Variants in LIPC observed in about 807,000 individuals in gnomAD.
LIPC encodes hepatic triacylglycerol lipase.
LIPC carries 44 observed loss-of-function variants against 50.7 expected under a neutral mutation model. That is an observed-to-expected ratio of 0.87 (90% CI 0.68 to 1.11). LIPC has a LOEUF of 1.11. LIPC is among the 50% of genes most tolerant of loss of function. The pLI, the probability that LIPC is intolerant of heterozygous loss-of-function variation, is 0.00. For missense variants in LIPC, 697 were observed against 648.2 expected (o/e 1.08, Z -0.82); for synonymous variants, 271 against 256.4 (o/e 1.06, Z -0.54).
At chr15:58,531,947 C>T (rs1404474900) in intron 1 of LIPC, among the ~76,000 whole-genome samples, 7 of 152,142 alleles carry the variant, frequency 4.6e-5, no homozygotes, top group African/African-American at 1.7e-4. Context: ...TACAAAGCAC[C>T]TCATTCACTC....
At chr15:58,477,948 C>A (rs927987651) in intron 1 of LIPC, among the ~76,000 whole-genome samples, 1 of 152,126 alleles carries the variant, frequency 6.6e-6, no homozygotes, top group Middle Eastern at 3.4e-3. Flanking sequence ...TCTTCCCAGT[C>A]TCATCTCACC....
At chr15:58,471,700 C>T (rs1173185730) in intron 1 of LIPC, among the ~76,000 whole-genome samples, 2 of 152,182 alleles carry the variant, frequency 1.3e-5, no homozygotes, top group East Asian at 1.9e-4. Flanking sequence ...AACTCTGAAT[C>T]AACCAAATGA....
chr15:58,490,679 G>T (rs1566927092), intron 1 of LIPC, among the ~76,000 whole-genome samples: 1 of 152,206 alleles, frequency 6.6e-6, no homozygotes, highest in East Asian at 1.9e-4. Flanking sequence ...GAAATATGGA[G>T]AAATGTTTTC....
chr15:58,458,364 C>G (rs553256460), intron 1 of LIPC, among the ~76,000 whole-genome samples: 2 of 152,298 alleles, frequency 1.3e-5, no homozygotes, highest in East Asian at 3.9e-4. Flanking sequence ...TCCCCCACCA[C>G]GTCCTTCTAC....
Position 58,469,102 on chromosome 15 carries a change from T to TTGTGTGTGTGTG in LIPC, c.88+37012_88+37023dup, listed in dbSNP as rs56309142. On this transcript the variant is annotated intron_variant, in intron 1 of 8. Transcript: ENST00000299022. Reference sequence around the variant, plus strand: ...AACTTAAACGGCTTCAGGGAACATTTTGTGTGTGTGTGTGTGTGTGTGTGT... The same window carrying TTGTGTGTGTGTG: ...AACTTAAACGGCTTCAGGGAACATTTTGTGTGTGTGTGTGTGTGTGTGTGTGTGTGTGTGTGT... Among the ~76,000 whole-genome samples, 97 of 140,714 alleles carry TTGTGTGTGTGTG rather than the reference T, an allele frequency of 6.9e-4. 2 individuals are homozygous for TTGTGTGTGTGTG. The highest frequency in any genetic ancestry group is 3.6e-3 in the Middle Eastern group (1 of 278). 92.3% of individuals were successfully genotyped at this position (140,714 alleles called of 152,430 possible).
intron 1 of LIPC, among the ~76,000 whole-genome samples, chr15:58,484,671 G>C (rs1490118104): frequency 1.3e-5 from 2 of 152,208 alleles, no homozygotes; most frequent in Non-Finnish European, 2.9e-5. Flanking sequence ...ATGGGGCATG[G>C]GCCCTGGAGC....
At chr15:58,566,577 A>G (rs1372846208) in intron 8 of LIPC, 2 of 513,634 alleles carry the variant, frequency 3.9e-6, no homozygotes, top group African/African-American at 2.1e-5. Context: ...GCAAGTGGGA[A>G]AAGAAGTAGG....
chr15:58,549,975 C>T (rs1474294001), intron 6 of LIPC, among the ~76,000 whole-genome samples: 1 of 152,220 alleles, frequency 6.6e-6, no homozygotes, highest in Non-Finnish European at 1.5e-5. Context: ...GATTAAGCCT[C>T]TTAGATAATC....
chr15:58,518,447 G>A (rs1370304537), intron 1 of LIPC, among the ~76,000 whole-genome samples: 1 of 152,164 alleles, frequency 6.6e-6, no homozygotes, highest in Non-Finnish European at 1.5e-5. Context: ...GGCCGTGAGA[G>A]ACAGAATTGT....
At chr15:58,510,950 G>C (rs765536296) in intron 1 of LIPC, among the ~76,000 whole-genome samples, 3 of 152,198 alleles carry the variant, frequency 2.0e-5, no homozygotes, top group Non-Finnish European at 4.4e-5. Context: ...AGTATACAAA[G>C]TGCTGTCACG....
At chr15:58,536,782 T>G (rs1205897026) in intron 1 of LIPC, among the ~76,000 whole-genome samples, 2 of 152,244 alleles carry the variant, frequency 1.3e-5, no homozygotes, top group African/African-American at 4.8e-5. Context: ...TAAAATATGA[T>G]GCATTTCATT....
At position 58,472,471 on chromosome 15, in the gene LIPC, G is replaced by A. The variant is rs563378850; in HGVS notation, c.88+40351G>A. Among the ~76,000 whole-genome samples the A allele has an allele frequency of 2.6e-5, 4 of 151,102 alleles. No homozygotes were observed. In the South Asian group the frequency reaches 8.4e-4, roughly 32 times the overall value. ...TGCGCCTGTAATCCCAACTACTCAG[G>A]AAGCTGAGGCATGCGAATCACTTGA... is the stretch of plus-strand genomic sequence containing the variant. On this transcript the variant is annotated intron_variant, in intron 1 of 8. Coordinates refer to ENST00000299022, the MANE Select transcript of LIPC (RefSeq NM_000236.3).
chr15:58,547,680 C>CTTGTT (rs143731122), intron 5 of LIPC, among the ~76,000 whole-genome samples: 106,638 of 150,924 alleles, frequency 0.71, 38,346 homozygotes, highest in Middle Eastern at 0.83. Flanking sequence ...ACCTCATAAG[C>CTTGTT]TTGTTTTGGG....
intron 1 of LIPC, among the ~76,000 whole-genome samples, chr15:58,465,331 AAC>A (rs528506846): frequency 5.3e-5 from 8 of 152,232 alleles, no homozygotes; most frequent in Non-Finnish European, 1.2e-4. Flanking sequence ...TATGAAAGCC[AAC>A]AGTTTTTACA....
At chr15:58,556,905 G>C (rs549717181) in intron 6 of LIPC, among the ~76,000 whole-genome samples, 1 of 152,336 alleles carries the variant, frequency 6.6e-6, no homozygotes, top group South Asian at 2.1e-4. Flanking sequence ...AGAGAAATGA[G>C]ATAATTATAT....
At chr15:58,466,860 A>G (rs2140727032) in intron 1 of LIPC, among the ~76,000 whole-genome samples, 1 of 152,294 alleles carries the variant, frequency 6.6e-6, no homozygotes, top group South Asian at 2.1e-4. Context: ...ATCACTTCGT[A>G]AAGTTGATTT....
Position 58,432,015 on chromosome 15 carries a change from C to G in LIPC, c.-18C>G, listed in dbSNP as rs1893138649. On this transcript the variant is annotated 5_prime_UTR_variant, in exon 1 of 9. Transcript: ENST00000299022. ...CAGAAATTACCAAGAAAGCCTGGAC[C>G]CCGGGTGAAACGGAGAAATGGACAC... 6.3e-7 allele frequency: 1 copy of G among 1,593,992 alleles called. No homozygotes were observed. The highest frequency in any genetic ancestry group is 8.6e-7 in the Non-Finnish European group (1 of 1,161,978).
At chr15:58,473,344 G>A (rs1020000344) in intron 1 of LIPC, among the ~76,000 whole-genome samples, 10 of 152,198 alleles carry the variant, frequency 6.6e-5, no homozygotes, top group African/African-American at 2.2e-4. Context: ...ACAGTCATTA[G>A]AGGGTGTGAG....
At chr15:58,560,749 A>G in intron 6 of LIPC, 115 bp from the exon 7 acceptor site, 1 of 656,732 alleles carries the variant, frequency 1.5e-6, no homozygotes, top group South Asian at 1.8e-5. Context: ...TAACATATTA[A>G]TATCTATCCA....
Sources: allele counts gnomAD v4.1 joint callset (sites outside exome capture counted in the v4.1 genomes callset), GRCh38; gene constraint gnomAD v4.1.1; transcripts MANE v1.5; gene names NCBI Gene and HGNC (gene_info 2026-07-23, HGNC 2026-07-21).